Variants in PARD3B observed in about 807,000 individuals in gnomAD.
PARD3B encodes par-3 family cell polarity regulator beta, also known as partitioning defective 3 homolog B.
Under a neutral mutation model 130.2 loss-of-function variants are expected in PARD3B, and 103 were observed. That is an observed-to-expected ratio of 0.79 (90% CI 0.67 to 0.93). The LOEUF is 0.93. Ranked by LOEUF, PARD3B falls within the 40% of genes least tolerant of loss-of-function variation. The probability of loss-of-function intolerance (pLI) is 0.00; values close to 1 mark genes in which losing one functional copy is unlikely to be tolerated. For missense variants in PARD3B, 1,609 were observed against 1,499.2 expected (o/e 1.07, Z -1.21); for synonymous variants, 583 against 553.2 (o/e 1.05, Z -0.76).
intron 21 of PARD3B, among the ~76,000 whole-genome samples, chr2:205,511,691 C>G (rs1283533870): frequency 6.6e-6 from 1 of 152,128 alleles, no homozygotes; most frequent in Non-Finnish European, 1.5e-5. Flanking sequence ...CTAAAATAAA[C>G]TTTGGGTACT....
rs1046583087 is a variant in PARD3B at position 205,265,074 on chromosome 2, C to T, written c.2185+19252C>T. On this transcript the variant is annotated intron_variant, in intron 16 of 22. Transcript: ENST00000406610. The surrounding 1 kb of genome is among the most constrained non-coding windows in gnomAD (Gnocchi z 4.3). ...CAGGGAAAAATATCAACAGCGAAACCGGATAGATGTGGCACCAATAGCTTA... is the reference window on the plus strand; with the variant it reads ...CAGGGAAAAATATCAACAGCGAAACTGGATAGATGTGGCACCAATAGCTTA... 2.8e-5 allele frequency among the ~76,000 whole-genome samples: 4 copies of T among 141,692 alleles called. No homozygotes were observed. The highest frequency in any genetic ancestry group is 2.1e-4 in the East Asian group (1 of 4,790). 93.0% of individuals were successfully genotyped at this position (141,692 alleles called of 152,430 possible). A position where few individuals can be genotyped will look rare whatever the true frequency, so the allele number is the denominator to read the frequency against.
At chr2:204,711,182 A>T (rs2038415426) in intron 2 of PARD3B, among the ~76,000 whole-genome samples, 1 of 152,186 alleles carries the variant, frequency 6.6e-6, no homozygotes, top group Non-Finnish European at 1.5e-5. Flanking sequence ...GGACTTAAAC[A>T]ATTACTTGTT....
chr2:204,948,833 A>G (rs943762704), intron 2 of PARD3B, among the ~76,000 whole-genome samples: 5 of 152,216 alleles, frequency 3.3e-5, no homozygotes, highest in African/African-American at 1.2e-4. Flanking sequence ...GGAAGAAAAC[A>G]TGTTTATCCT....
rs1270980310 is a variant in PARD3B, at chr2:205,125,945, G to A, written c.1434+208G>A. Among the ~76,000 whole-genome samples the A allele has an allele frequency of 6.6e-6, 1 of 151,992 alleles. No homozygotes were observed. The highest frequency in any genetic ancestry group is 1.5e-5 in the Non-Finnish European group (1 of 68,016). ...GGGTATATGTAAACAGTGATTCCGG[G>A]GCACAGATTCAAACACCTTTAGCAA... On this transcript the variant is annotated intron_variant, in intron 10 of 22. Coordinates refer to ENST00000406610, the MANE Select transcript of PARD3B (RefSeq NM_001302769.2). This position sits in a 1 kb window ranked among gnomAD's most constrained non-coding sequence, Gnocchi z 4.0.
At chr2:204,616,346 G>A (rs974237228) in intron 1 of PARD3B, among the ~76,000 whole-genome samples, 6 of 152,116 alleles carry the variant, frequency 3.9e-5, no homozygotes, top group African/African-American at 1.2e-4. Flanking sequence ...AGGTACAGAT[G>A]GTAAATAAGC....
intron 21 of PARD3B, among the ~76,000 whole-genome samples, chr2:205,510,137 C>T (rs1169344166): frequency 6.6e-6 from 1 of 152,146 alleles, no homozygotes; most frequent in Admixed American, 6.6e-5. Flanking sequence ...TAAATTTGGG[C>T]AATTTATTTT....
intron 4 of PARD3B, among the ~76,000 whole-genome samples, chr2:205,056,552 T>C (rs1429514516): frequency 6.6e-6 from 1 of 151,664 alleles, no homozygotes; most frequent in Non-Finnish European, 1.5e-5. Flanking sequence ...TGTGAAGCAC[T>C]GGAGAATCCG....
At chr2:204,802,289 A>T (rs1482901850) in intron 2 of PARD3B, among the ~76,000 whole-genome samples, 2 of 152,206 alleles carry the variant, frequency 1.3e-5, no homozygotes, top group Non-Finnish European at 2.9e-5. Context: ...AACCACAATG[A>T]GATACCATGT....
At chr2:205,614,612 G>A (rs1481262933) in intron 22 of PARD3B, among the ~76,000 whole-genome samples, 8 of 151,862 alleles carry the variant, frequency 5.3e-5, no homozygotes, top group African/African-American at 1.9e-4. Context: ...AGGCTGAGGT[G>A]GGAGAATCGC....
intron 22 of PARD3B, among the ~76,000 whole-genome samples, chr2:205,560,497 G>A (rs1301566739): frequency 6.6e-6 from 1 of 151,800 alleles, no homozygotes; most frequent in Non-Finnish European, 1.5e-5. Flanking sequence ...ACTCCTGAGA[G>A]TTGAAAAAAC....
At chr2:205,545,072 A>C (rs1167768871) in intron 21 of PARD3B, among the ~76,000 whole-genome samples, 1 of 152,240 alleles carries the variant, frequency 6.6e-6, no homozygotes, top group African/African-American at 2.4e-5. Flanking sequence ...TGTGGAAAAC[A>C]AACACTTCAG....
intron 10 of PARD3B, among the ~76,000 whole-genome samples, chr2:205,126,601 C>T (rs1034096941): frequency 5.9e-4 from 89 of 149,778 alleles, no homozygotes; most frequent in African/African-American, 2.1e-3. Context: ...AAAAAATTAG[C>T]CGGGCGCGGT....
intron 2 of PARD3B, among the ~76,000 whole-genome samples, chr2:204,848,750 A>T (rs1329436545): frequency 6.6e-6 from 1 of 151,760 alleles, no homozygotes; most frequent in Non-Finnish European, 1.5e-5. Flanking sequence ...TGTATTCTTA[A>T]ACTAAAAGCT....
rs2054183369 is a variant in PARD3B at position 205,585,990 on chromosome 2, CA to C, written c.3261-29462del. ...TTCAGAAGGCCAATGTGAGGAAATTCAAAACACAACAGCTTGACTTGGTTTT... is the reference window on the plus strand; with the variant it reads ...TTCAGAAGGCCAATGTGAGGAAATTCAAACACAACAGCTTGACTTGGTTTT... On this transcript the variant is annotated intron_variant, in intron 22 of 22. Coordinates refer to ENST00000406610, the MANE Select transcript of PARD3B (RefSeq NM_001302769.2). This position sits in a 1 kb window ranked among gnomAD's most constrained non-coding sequence, Gnocchi z 5.4. 6.6e-6 allele frequency among the ~76,000 whole-genome samples: 1 copy of C among 152,074 alleles called. No individual in the cohort carries two copies. The highest frequency in any genetic ancestry group is 2.1e-4 in the South Asian group (1 of 4,824).
rs113508230 is a variant in PARD3B, at chr2:205,230,121, C to T, written c.2141-15657C>T. Among the ~76,000 whole-genome samples, 1 of 151,978 alleles carries T rather than the reference C, an allele frequency of 6.6e-6. No homozygotes were observed. The highest frequency in any genetic ancestry group is 1.9e-4 in the East Asian group (1 of 5,138). ...TGTGGAATTGGTGATCCCAAGAACC[C>T]GCTTTGTGCTCTATACCACTACGGC... is the stretch of plus-strand genomic sequence containing the variant. On this transcript the variant is annotated intron_variant, in intron 15 of 22. Coordinates refer to ENST00000406610, the MANE Select transcript of PARD3B (RefSeq NM_001302769.2). This position sits in a 1 kb window ranked among gnomAD's most constrained non-coding sequence, Gnocchi z 4.1.
chr2:205,216,881 T>A (rs536259649), intron 15 of PARD3B, among the ~76,000 whole-genome samples: 2 of 152,068 alleles, frequency 1.3e-5, no homozygotes, highest in Non-Finnish European at 2.9e-5. Flanking sequence ...CAATCCAGGG[T>A]CTCCGTGAAG....
At chr2:204,554,186 C>G (rs2030750218) in intron 1 of PARD3B, among the ~76,000 whole-genome samples, 1 of 152,056 alleles carries the variant, frequency 6.6e-6, no homozygotes, top group Non-Finnish European at 1.5e-5. Context: ...CTACAGTACC[C>G]CAGGACTCAA....
chr2:204,940,610 A>G (rs1423647410), intron 2 of PARD3B, among the ~76,000 whole-genome samples: 1 of 152,138 alleles, frequency 6.6e-6, no homozygotes, highest in Non-Finnish European at 1.5e-5. Context: ...AATTAGTACT[A>G]TTATTAGCAG....
intron 4 of PARD3B, among the ~76,000 whole-genome samples, chr2:205,072,240 C>CTT (rs34061560): frequency 7.1e-6 from 1 of 140,532 alleles, no homozygotes; most frequent in Non-Finnish European, 1.6e-5. Context: ...AATTCAGGTC[C>CTT]TTTTTTTTTT....
Sources: gnomAD v4.1 joint callset for allele counts (sites outside exome capture counted in the v4.1 genomes callset) on GRCh38, gnomAD v4.1.1 for gene constraint, Gnocchi (gnomAD v3.1) non-coding constraint, MANE v1.5 for transcripts, NCBI Gene and HGNC (gene_info 2026-07-23, HGNC 2026-07-21) for gene names.